Variants in TBL1Y observed in about 807,000 individuals in gnomAD.
TBL1Y encodes the protein transducin beta like 1 Y-linked, also known as F-box-like/WD repeat-containing protein TBL1Y.
TBL1Y carries 15 observed loss-of-function variants against 12.0 expected under a neutral mutation model. The ratio of observed to expected loss-of-function variants is 1.25; its 90% CI spans 0.83 to 1.92. TBL1Y has a LOEUF of 1.92. TBL1Y is among the 40% of genes most tolerant of loss of function. The probability of loss-of-function intolerance (pLI) is 0.00; values close to 1 mark genes in which losing one functional copy is unlikely to be tolerated. For synonymous variants in TBL1Y, 53 were observed against 42.6 expected (o/e 1.24, Z -0.95); for missense variants, 148 against 116.7 (o/e 1.27, Z -1.24).
intron 2 of TBL1Y, among the ~76,000 whole-genome samples, chrY:6,965,589 G>A: frequency 3.0e-5 from 1 of 33,353 alleles, no homozygotes; most frequent in African/African-American, 1.2e-4. Flanking sequence ...ATGTTCGAGG[G>A]CTATTTTTTT....
intron 2 of TBL1Y, among the ~76,000 whole-genome samples, chrY:6,922,196 T>G (rs747728375): frequency 3.0e-5 from 1 of 33,604 alleles, no homozygotes; most frequent in African/African-American, 1.2e-4. Flanking sequence ...TCATGGTGAG[T>G]GTTACAGCTC....
intron 2 of TBL1Y, among the ~76,000 whole-genome samples, chrY:6,917,292 CCTAA>C (rs2011741040): frequency 3.0e-5 from 1 of 33,847 alleles, no homozygotes; most frequent in Non-Finnish European, 7.3e-5. Flanking sequence ...CTTATGAGAG[CCTAA>C]CTAATTCCTG....
At chrY:7,059,364 C>A in intron 7 of TBL1Y, among the ~76,000 whole-genome samples, 3 of 33,036 alleles carry the variant, frequency 9.1e-5, no homozygotes, top group Non-Finnish European at 1.5e-4. Flanking sequence ...TTAAATTTTT[C>A]TTAGCTTTAG....
At chrY:7,063,289 C>G in intron 7 of TBL1Y, among the ~76,000 whole-genome samples, 1 of 33,795 alleles carries the variant, frequency 3.0e-5, no homozygotes, top group Non-Finnish European at 7.4e-5. Context: ...AAGGGTGACC[C>G]CTTACAGATG....
intron 2 of TBL1Y, among the ~76,000 whole-genome samples, chrY:6,966,490 T>C: frequency 3.0e-5 from 1 of 33,541 alleles, no homozygotes. Flanking sequence ...GGTTGAATGC[T>C]GAGGCATCTA....
chrY:6,964,516 A>G, intron 2 of TBL1Y, among the ~76,000 whole-genome samples: 1 of 33,337 alleles, frequency 3.0e-5, no homozygotes, highest in Non-Finnish European at 7.4e-5. Flanking sequence ...ACCTGTTCCT[A>G]GCAATTGATC....
chrY:7,011,904 C>T, intron 4 of TBL1Y, among the ~76,000 whole-genome samples: 2 of 33,383 alleles, frequency 6.0e-5, no homozygotes, highest in Admixed American at 2.8e-4. Context: ...TACCTGATTA[C>T]GGATTGCCAG....
chrY:7,036,799 A>G, intron 6 of TBL1Y, among the ~76,000 whole-genome samples: 1 of 33,136 alleles, frequency 3.0e-5, no homozygotes, highest in South Asian at 6.9e-4. Flanking sequence ...GAGAGTTGGC[A>G]TGGCTTTAGA....
chrY:7,009,046 G>A, intron 4 of TBL1Y, among the ~76,000 whole-genome samples: 4 of 33,663 alleles, frequency 1.2e-4, no homozygotes, highest in Admixed American at 1.1e-3. Flanking sequence ...ATCAGAGAGA[G>A]CCAAACTGCC....
At chrY:7,064,752 G>A (rs2124178993) in intron 8 of TBL1Y, among the ~76,000 whole-genome samples, 1 of 33,350 alleles carries the variant, frequency 3.0e-5, no homozygotes, top group Non-Finnish European at 7.4e-5. Context: ...GCATGCAAAT[G>A]TTCCATGAAT....
chrY:6,932,548 A>C, intron 2 of TBL1Y, among the ~76,000 whole-genome samples: 1 of 33,482 alleles, frequency 3.0e-5, no homozygotes, highest in Non-Finnish European at 7.4e-5. Flanking sequence ...ATCTTGGCTC[A>C]TTGCAGCCTC....
intron 2 of TBL1Y, among the ~76,000 whole-genome samples, chrY:6,923,424 T>G: frequency 5.9e-5 from 2 of 33,961 alleles, no homozygotes; most frequent in African/African-American, 2.3e-4. Flanking sequence ...AATTGCCTGA[T>G]AGATAGGAAT....
At chrY:6,999,178 G>A in intron 4 of TBL1Y, among the ~76,000 whole-genome samples, 1 of 33,635 alleles carries the variant, frequency 3.0e-5, no homozygotes, top group Non-Finnish European at 7.4e-5. Context: ...CTGAGAGCAA[G>A]TTCTGGACAC....
intron 2 of TBL1Y, among the ~76,000 whole-genome samples, chrY:6,929,057 A>G: frequency 2.4e-4 from 8 of 32,683 alleles, no homozygotes; most frequent in African/African-American, 9.7e-4. Context: ...TCATTGATCC[A>G]TGGGGTCCAT....
Sources: gnomAD v4.1 joint callset for allele counts (sites outside exome capture counted in the v4.1 genomes callset) on GRCh38, gnomAD v4.1.1 for gene constraint, MANE v1.5 for transcripts, NCBI Gene and HGNC (gene_info 2026-07-23, HGNC 2026-07-21) for gene names.